MCTP1: variants seen among roughly 807,000 people sequenced by gnomAD.
MCTP1 encodes the protein multiple C2 and transmembrane domain containing 1.
In MCTP1, 69 loss-of-function variants were observed where a neutral mutation model predicts 120.6. That is an observed-to-expected ratio of 0.57 (90% CI 0.47 to 0.70). The LOEUF (loss-of-function observed/expected upper bound fraction) is 0.70. MCTP1 is among the 30% of genes least tolerant of loss of function. The pLI is 0.00. For synonymous variants in MCTP1, 529 were observed against 493.1 expected (o/e 1.07, Z -0.96); for missense variants, 1,203 against 1,248.8 (o/e 0.96, Z 0.55).
At chr5:95,061,522 G>A (rs1346805022) in intron 1 of MCTP1, among the ~76,000 whole-genome samples, 3 of 131,470 alleles carry the variant, frequency 2.3e-5, no homozygotes, top group Admixed American at 8.8e-5. Context: ...TGCAAGCTCC[G>A]CCTCCCGGGT....
intron 19 of MCTP1, among the ~76,000 whole-genome samples, chr5:94,774,575 G>A (rs1172917189): frequency 1.3e-5 from 2 of 152,224 alleles, no homozygotes; most frequent in Non-Finnish European, 1.5e-5. Context: ...AAGCCTTCAG[G>A]TGAGAACTCA....
chr5:94,923,124 C>A (rs1048814416), intron 7 of MCTP1, among the ~76,000 whole-genome samples: 3 of 151,286 alleles, frequency 2.0e-5, no homozygotes, highest in African/African-American at 7.3e-5. Flanking sequence ...ACTTAAGAGA[C>A]ACTACAACAA....
intron 18 of MCTP1, among the ~76,000 whole-genome samples, chr5:94,797,026 T>C (rs1392483709): frequency 6.6e-6 from 1 of 152,122 alleles, no homozygotes; most frequent in Non-Finnish European, 1.5e-5. Context: ...TTAGAGGAGA[T>C]GTACTAAAAG....
Position 94,953,305 on chromosome 5 carries a change from T to G in MCTP1, c.895A>C (p.Lys299Gln). 6.2e-7 allele frequency: 1 copy of G among 1,611,998 alleles called. No homozygotes were observed. Among genetic ancestry groups the G allele is most frequent in the South Asian group, 1.1e-5 (1 of 90,698 alleles). The change falls in exon 3 of 23, where the codon AAG becomes CAG. Residue 299 changes from lysine to glutamine, a missense_variant. By Grantham distance (53) the Lys-to-Gln change is moderately conservative (BLOSUM62 1). Transcript: ENST00000515393. ...GGGTTGAGGTTCTTGTGTATTATCT[T>G]ACTTCTAAAAACTTCTTTTCCTCCG... ...KIGGKEVFRS[K>Q]IIHKNLNPVW... is the part of the protein sequence containing the mutation.
chr5:95,284,052 C>T lies in MCTP1; in HGVS notation c.524G>A (p.Arg175Lys), dbSNP rs1444578724. 11 of 1,534,060 alleles carry T rather than the reference C, an allele frequency of 7.2e-6. No individual in the cohort carries two copies. The highest frequency in any genetic ancestry group is 5.3e-6 in the Non-Finnish European group (6 of 1,140,830). The change falls in exon 1 of 23, where the codon AGG (arginine) becomes AAG (lysine). Residue 175 changes from arginine (R) to lysine (K), a missense_variant. Arg to Lys is a conservative substitution (Grantham distance 26). This residue lies in a region of MCTP1 where 463 missense variants were observed against 377.8 expected (regional missense o/e 1.23). Transcript: ENST00000515393. The surrounding 1 kb of genome is among the most constrained non-coding windows in gnomAD (Gnocchi z 5.2). Reference protein sequence around the residue: ...SLSSSPQPPPRGDRARDEGAR... With the variant: ...SLSSSPQPPPKGDRARDEGAR... ...ACCCTCATCTCGGGCGCGGTCCCCC[C>T]TCGGGGGAGGCTGGGGCGAGGAGGA... is the stretch of plus-strand genomic sequence containing the variant.
rs199839707 is a variant in MCTP1 at position 95,017,495 on chromosome 5, C to T, written c.721-11G>A. ...AGTGTTTATTATTTTCTGGAAAACACGAAATATAAAAAATATTAAATTTAT... is the reference window on the plus strand; with the variant it reads ...AGTGTTTATTATTTTCTGGAAAACATGAAATATAAAAAATATTAAATTTAT... On this transcript the variant is annotated splice_polypyrimidine_tract_variant and intron_variant, in intron 1 of 22. Transcript: ENST00000515393. 6.5e-5 allele frequency: 100 copies of T among 1,533,634 alleles called. No individual in the cohort carries two copies. Among genetic ancestry groups the T allele is most frequent in the South Asian group, 3.2e-4 (26 of 82,456 alleles).
chr5:94,859,296 G>A (rs1795292086), intron 17 of MCTP1, among the ~76,000 whole-genome samples: 1 of 151,684 alleles, frequency 6.6e-6, no homozygotes, highest in East Asian at 1.9e-4. Context: ...AAATTTAGCT[G>A]AGAAGGGCAG....
intron 17 of MCTP1, among the ~76,000 whole-genome samples, chr5:94,830,265 C>T (rs575757068): frequency 1.3e-5 from 2 of 152,310 alleles, no homozygotes; most frequent in Admixed American, 6.5e-5. Context: ...AACTCACTCT[C>T]AAGAAGTACA....
intron 17 of MCTP1, among the ~76,000 whole-genome samples, chr5:94,824,193 G>T (rs1314219706): frequency 6.6e-6 from 1 of 152,116 alleles, no homozygotes; most frequent in East Asian, 1.9e-4. Flanking sequence ...CTCATAAATA[G>T]CTCTTATTAT....
At chr5:95,062,305 T>TA (rs1416117637) in intron 1 of MCTP1, among the ~76,000 whole-genome samples, 3 of 152,222 alleles carry the variant, frequency 2.0e-5, no homozygotes, top group African/African-American at 7.2e-5. Context: ...TGTATTTTGG[T>TA]AAAAAAGAAT....
intron 1 of MCTP1, among the ~76,000 whole-genome samples, chr5:95,243,652 G>A (rs770274775): frequency 6.6e-6 from 1 of 152,184 alleles, no homozygotes; most frequent in Non-Finnish European, 1.5e-5. Context: ...CAAAACTGGA[G>A]AGAGAGACAC....
rs1360251833 is a variant in MCTP1 at position 94,847,680 on chromosome 5, GTGTATA to G, written c.2436+20647_2436+20652del. On this transcript the variant is annotated intron_variant, in intron 17 of 22. Transcript: ENST00000515393. ...TGTGTGTGTGTGTGTGTGTGTGTGT[GTGTATA>G]TATATATATATATATATATGTATGT... Among the ~76,000 whole-genome samples the G allele has an allele frequency of 2.1e-3, 233 of 108,420 alleles. 1 individual carries two copies. The highest frequency in any genetic ancestry group is 6.0e-3 in the African/African-American group (179 of 29,746). 71.1% of individuals were successfully genotyped at this position (108,420 alleles called of 152,430 possible).
intron 1 of MCTP1, among the ~76,000 whole-genome samples, chr5:95,085,603 T>C (rs564912713): frequency 6.8e-4 from 103 of 152,156 alleles, no homozygotes; most frequent in Non-Finnish European, 1.3e-3. Context: ...TAAAGATGAA[T>C]ACCTAGGAAT....
At chr5:95,253,337 TG>T (rs1329926130) in intron 1 of MCTP1, among the ~76,000 whole-genome samples, 5 of 152,002 alleles carry the variant, frequency 3.3e-5, no homozygotes, top group Non-Finnish European at 7.4e-5. Flanking sequence ...TGCCAGGGGG[TG>T]GGACAACCAT....
rs903458120 is a variant in MCTP1 at position 94,704,610 on chromosome 5, CAATT to C, written c.*2882_*2885del. 1 of 148,588 alleles carries C rather than the reference CAATT, an allele frequency of 6.7e-6. No individual in the cohort carries two copies. The highest frequency in any genetic ancestry group is 2.6e-5 in the African/African-American group (1 of 38,828). 9.2% of individuals were successfully genotyped at this position (148,588 alleles called of 1,614,324 possible). Reference sequence around the variant, plus strand: ...ATAAAAGATAATTTTAGAAATGTATCAATTAAATTTGGCTCTCACTGTACTTCAA... The same window carrying C: ...ATAAAAGATAATTTTAGAAATGTATCAAATTTGGCTCTCACTGTACTTCAA... On this transcript the variant is annotated 3_prime_UTR_variant, in exon 23 of 23. Coordinates refer to ENST00000515393, the MANE Select transcript of MCTP1 (RefSeq NM_024717.7).
chr5:95,017,563 T>A, intron 1 of MCTP1, 79 bp from the exon 2 acceptor site: 10 of 575,686 alleles, frequency 1.7e-5, no homozygotes, highest in Non-Finnish European at 2.6e-5. Flanking sequence ...ATATATAGCT[T>A]AACCCAAATT....
chr5:95,095,301 G>T (rs1436587792), intron 1 of MCTP1, among the ~76,000 whole-genome samples: 1 of 152,114 alleles, frequency 6.6e-6, no homozygotes, highest in Non-Finnish European at 1.5e-5. Context: ...GGGATTACAG[G>T]CGTGAGCCAC....
chr5:94,970,609 T>C (rs1331493941), intron 2 of MCTP1, among the ~76,000 whole-genome samples: 1 of 152,060 alleles, frequency 6.6e-6, no homozygotes, highest in African/African-American at 2.4e-5. Context: ...ATTCGCTCTA[T>C]GACTGGTAAT....
At chr5:95,032,476 G>C (rs750888842) in intron 1 of MCTP1, among the ~76,000 whole-genome samples, 5 of 151,950 alleles carry the variant, frequency 3.3e-5, no homozygotes, top group Non-Finnish European at 7.4e-5. Context: ...AAAAAGTCTT[G>C]TTTCCGAAGA....
Sources: gnomAD v4.1 joint callset for allele counts (sites outside exome capture counted in the v4.1 genomes callset) on GRCh38, gnomAD v4.1.1 for gene constraint, gnomAD v4.1.1 regional missense constraint, Gnocchi (gnomAD v3.1) non-coding constraint, MANE v1.5 for transcripts, NCBI Gene and HGNC (gene_info 2026-07-23, HGNC 2026-07-21) for gene names.